The following ATRNL1 variants were observed in gnomAD, a reference collection of about 807,000 sequenced individuals.
The protein encoded by ATRNL1 is attractin-like protein 1.
In ATRNL1, 95 loss-of-function variants were observed where a neutral mutation model predicts 182.7. The ratio of observed to expected loss-of-function variants is 0.52; its 90% CI spans 0.44 to 0.62. The LOEUF (loss-of-function observed/expected upper bound fraction) is 0.62. ATRNL1 is among the 20% of genes least tolerant of loss of function. The pLI, the probability that ATRNL1 is intolerant of heterozygous loss-of-function variation, is 0.00. For missense variants in ATRNL1, 1,471 were observed against 1,679.5 expected (o/e 0.88, Z 2.17); for synonymous variants, 576 against 568.3 (o/e 1.01, Z -0.19).
intron 28 of ATRNL1, among the ~76,000 whole-genome samples, chr10:115,944,025 G>A (rs1953807136): frequency 6.6e-6 from 1 of 152,022 alleles, no homozygotes; most frequent in Non-Finnish European, 1.5e-5. Flanking sequence ...GGTTGCCAGA[G>A]ACTTGGGGAA....
chr10:115,319,651 T>G (rs1854482385), intron 18 of ATRNL1, among the ~76,000 whole-genome samples: 1 of 152,168 alleles, frequency 6.6e-6, no homozygotes, highest in African/African-American at 2.4e-5. Flanking sequence ...CCTTTTTTTT[T>G]GTCTTTTTAA....
intron 27 of ATRNL1, among the ~76,000 whole-genome samples, chr10:115,747,169 G>A (rs782647094): frequency 1.3e-5 from 2 of 152,068 alleles, no homozygotes; most frequent in Non-Finnish European, 2.9e-5. Context: ...ACAGCCTGCA[G>A]CCTTTTCTTA....
intron 20 of ATRNL1, among the ~76,000 whole-genome samples, chr10:115,422,416 T>C (rs1280142211): frequency 1.3e-5 from 2 of 152,138 alleles, no homozygotes; most frequent in Non-Finnish European, 2.9e-5. Context: ...GACATACATG[T>C]GTCCAACAAG....
intron 8 of ATRNL1, among the ~76,000 whole-genome samples, chr10:115,196,430 C>A (rs1246996428): frequency 6.6e-6 from 1 of 151,976 alleles, no homozygotes; most frequent in Non-Finnish European, 1.5e-5. Flanking sequence ...CTTCATATTG[C>A]AATATAAAAT....
intron 9 of ATRNL1, among the ~76,000 whole-genome samples, chr10:115,218,676 C>G (rs569752700): frequency 6.6e-6 from 1 of 152,118 alleles, no homozygotes; most frequent in East Asian, 1.9e-4. Flanking sequence ...CTTGTCGCCC[C>G]CATAATTCCA....
intron 27 of ATRNL1, among the ~76,000 whole-genome samples, chr10:115,745,410 A>T (rs551945972): frequency 6.6e-6 from 1 of 152,164 alleles, no homozygotes; most frequent in Non-Finnish European, 1.5e-5. Context: ...ACCTGGAGCT[A>T]CTGTAAATAA....
In ATRNL1 at chr10:115,787,833, T is replaced by A. The variant is rs116021410; in HGVS notation, c.3904-60044T>A. Among the ~76,000 whole-genome samples, 1,260 of 152,258 alleles carry A rather than the reference T, an allele frequency of 8.3e-3. 24 individuals are homozygous for A. The highest frequency in any genetic ancestry group is 0.029 in the African/African-American group (1,198 of 41,560). ...GGGAGATTACACTGGATTATTGGGA[T>A]AGACCCTCAATGCAATCACCAGTGT... On this transcript the variant is annotated intron_variant, in intron 27 of 28. Transcript: ENST00000355044.
intron 27 of ATRNL1, among the ~76,000 whole-genome samples, chr10:115,837,865 A>G (rs1188660853): frequency 6.6e-6 from 1 of 152,180 alleles, no homozygotes; most frequent in Non-Finnish European, 1.5e-5. Context: ...AGTGGAAGGA[A>G]GGGAAAGGGA....
chr10:115,368,635 T>C (rs1449702716), intron 19 of ATRNL1, among the ~76,000 whole-genome samples: 1 of 152,044 alleles, frequency 6.6e-6, no homozygotes, highest in African/African-American at 2.4e-5. Context: ...ATTTTGACCA[T>C]CTCCTCATTT....
At position 115,840,204 on chromosome 10, in the gene ATRNL1, TG is replaced by T. The variant is rs781786806; in HGVS notation, c.3904-7670del. Among the ~76,000 whole-genome samples the T allele has an allele frequency of 9.2e-5, 14 of 152,206 alleles. No homozygotes were observed. In the South Asian group the frequency reaches 2.9e-3, roughly 32 times the overall value. ...CGGGGCAGTGTTGATGTGGTAAGTA[TG>T]GGAAGTTTGGCATTGGGATTAGATT... On this transcript the variant is annotated intron_variant, in intron 27 of 28. Coordinates refer to ENST00000355044, the MANE Select transcript of ATRNL1 (RefSeq NM_207303.4).
At chr10:115,597,634 G>C in intron 26 of ATRNL1, 1 of 441,106 alleles carries the variant, frequency 2.3e-6, no homozygotes, top group Non-Finnish European at 4.5e-6. Context: ...GTGCAGTGTG[G>C]GGATCTCAGC....
intron 5 of ATRNL1, among the ~76,000 whole-genome samples, chr10:115,147,753 T>C (rs1315568787): frequency 1.2e-4 from 18 of 152,102 alleles, no homozygotes; most frequent in Admixed American, 1.2e-3. Flanking sequence ...ATGTTCTTGG[T>C]GTCTTTGAAA....
At chr10:115,097,169 G>T (rs1343029969) in intron 1 of ATRNL1, among the ~76,000 whole-genome samples, 2 of 151,988 alleles carry the variant, frequency 1.3e-5, no homozygotes, top group African/African-American at 4.8e-5. Flanking sequence ...GTCAAATTTG[G>T]ATACTTCATT....
At chr10:115,533,391 G>A (rs1287709145) in intron 25 of ATRNL1, among the ~76,000 whole-genome samples, 2 of 151,832 alleles carry the variant, frequency 1.3e-5, no homozygotes, top group Middle Eastern at 3.4e-3. Flanking sequence ...TATTTGCGTA[G>A]AGGTGTTTGT....
chr10:115,702,319 A>AT (rs1948509725), intron 26 of ATRNL1, among the ~76,000 whole-genome samples: 1 of 152,100 alleles, frequency 6.6e-6, no homozygotes, highest in East Asian at 1.9e-4. Context: ...ATAATACTGA[A>AT]TGGGCAAAAG....
intron 26 of ATRNL1, among the ~76,000 whole-genome samples, chr10:115,657,591 C>T (rs1437042288): frequency 6.6e-6 from 1 of 152,106 alleles, no homozygotes; most frequent in Non-Finnish European, 1.5e-5. Flanking sequence ...ATTTGAATGT[C>T]ATGCAGGAGT....
chr10:115,672,908 AT>A (rs1166105904), intron 26 of ATRNL1, among the ~76,000 whole-genome samples: 3 of 152,018 alleles, frequency 2.0e-5, no homozygotes, highest in African/African-American at 7.2e-5. Context: ...ACGTTATAGT[AT>A]TTTTTCCTCC....
At chr10:115,480,207 AACACACACAC>A (rs72119794) in intron 24 of ATRNL1, among the ~76,000 whole-genome samples, 8 of 146,638 alleles carry the variant, frequency 5.5e-5, no homozygotes, top group Admixed American at 1.4e-4. Flanking sequence ...GAGTCATTTG[AACACACACAC>A]ACACACACAC....
intron 27 of ATRNL1, among the ~76,000 whole-genome samples, chr10:115,771,327 T>C (rs897574112): frequency 1.1e-4 from 16 of 151,706 alleles, no homozygotes; most frequent in African/African-American, 3.9e-4. Flanking sequence ...GCCTCCTGGG[T>C]TCACGCCATT....
Sources: allele counts gnomAD v4.1 joint callset (sites outside exome capture counted in the v4.1 genomes callset), GRCh38; gene constraint gnomAD v4.1.1; transcripts MANE v1.5; gene names NCBI Gene and HGNC (gene_info 2026-07-23, HGNC 2026-07-21).